Variants in DLGAP2 observed in about 807,000 individuals in gnomAD.
DLGAP2 encodes the protein disks large-associated protein 2.
Under a neutral mutation model 100.3 loss-of-function variants are expected in DLGAP2, and 26 were observed. The ratio of observed to expected loss-of-function variants is 0.26; its 90% CI spans 0.19 to 0.36. DLGAP2 has a LOEUF of 0.36. Ranked by LOEUF, DLGAP2 falls within the 10% of genes least tolerant of loss-of-function variation. DLGAP2 has a pLI of 1.00. For missense variants in DLGAP2, 1,858 were observed against 1,453.2 expected, an observed-to-expected ratio of 1.28 and a Z score of -4.53; for synonymous variants, 886 against 630.1, an observed-to-expected ratio of 1.41 and a Z score of -6.08.
At chr8:1,566,317 T>C (rs918039974) in intron 6 of DLGAP2, among the ~76,000 whole-genome samples, 1 of 152,204 alleles carries the variant, frequency 6.6e-6, no homozygotes, top group Non-Finnish European at 1.5e-5. Context: ...AGGCAACACA[T>C]TTTTTTGTAG....
At chr8:1,613,173 A>G (rs1231547735) in intron 6 of DLGAP2, among the ~76,000 whole-genome samples, 1 of 145,344 alleles carries the variant, frequency 6.9e-6, no homozygotes, top group African/African-American at 2.6e-5. Context: ...CTGGATTAAG[A>G]AAATGTGGCA....
chr8:1,687,239 G>A (rs1355381697), intron 12 of DLGAP2, among the ~76,000 whole-genome samples: 1 of 152,154 alleles, frequency 6.6e-6, no homozygotes, highest in Non-Finnish European at 1.5e-5. Flanking sequence ...TGTGAATTAT[G>A]TTACTTCATA....
chr8:1,646,068 T>C (rs1366418262), intron 8 of DLGAP2, among the ~76,000 whole-genome samples: 1 of 152,204 alleles, frequency 6.6e-6, no homozygotes, highest in African/African-American at 2.4e-5. Flanking sequence ...TGCCCAGATA[T>C]CTGGTTAAAC....
At chr8:916,374 T>A (rs1314113519) in intron 2 of DLGAP2, among the ~76,000 whole-genome samples, 1 of 152,182 alleles carries the variant, frequency 6.6e-6, no homozygotes, top group Admixed American at 6.5e-5. Context: ...CTTGTCCTTT[T>A]TAGGGACGTG....
intron 3 of DLGAP2, among the ~76,000 whole-genome samples, chr8:1,373,345 G>A (rs183028809): frequency 6.6e-6 from 1 of 151,296 alleles, no homozygotes; most frequent in African/African-American, 2.4e-5. Context: ...GAGGCGCCGC[G>A]CCTGGACCGT....
At chr8:1,338,092 T>C (rs994416866) in intron 3 of DLGAP2, among the ~76,000 whole-genome samples, 2 of 152,174 alleles carry the variant, frequency 1.3e-5, no homozygotes, top group Non-Finnish European at 2.9e-5. Context: ...CATGGGCACG[T>C]AAAATGGTGC....
intron 2 of DLGAP2, among the ~76,000 whole-genome samples, chr8:1,111,144 C>G (rs1339849781): frequency 6.6e-6 from 1 of 152,214 alleles, no homozygotes; most frequent in Non-Finnish European, 1.5e-5. Flanking sequence ...GATGGCAGGG[C>G]TGGAAATGCA....
chr8:1,463,774 A>G (rs1479786403), intron 3 of DLGAP2, among the ~76,000 whole-genome samples: 7 of 152,238 alleles, frequency 4.6e-5, no homozygotes, highest in Non-Finnish European at 1.0e-4. Flanking sequence ...GGCCTGGAGC[A>G]CGGGGTGGGC....
At position 1,241,391 on chromosome 8, in the gene DLGAP2, C is replaced by G. The variant is rs547965676; in HGVS notation, c.74-17460C>G. Among the ~76,000 whole-genome samples the G allele has an allele frequency of 5.3e-5, 8 of 152,186 alleles. No individual in the cohort carries two copies. In the East Asian group the frequency reaches 1.4e-3, roughly 26 times the overall value. ...CTCACATGGCGCCGTGTCTAGTTCT[C>G]TGTCACATGGCCCTGTGTCCAGTTC... On this transcript the variant is annotated intron_variant, in intron 2 of 14. Transcript: ENST00000637795.
intron 2 of DLGAP2, among the ~76,000 whole-genome samples, chr8:1,104,488 G>C (rs1050075944): frequency 6.6e-6 from 1 of 152,218 alleles, no homozygotes; most frequent in Non-Finnish European, 1.5e-5. Context: ...AGGGGTGGGC[G>C]TGTAAAACCA....
intron 2 of DLGAP2, among the ~76,000 whole-genome samples, chr8:1,257,248 G>A (rs1585199589): frequency 1.3e-5 from 2 of 152,124 alleles, no homozygotes; most frequent in African/African-American, 4.8e-5. Flanking sequence ...CGGCTCCCAG[G>A]TGAGCTCCGT....
intron 3 of DLGAP2, among the ~76,000 whole-genome samples, chr8:1,479,382 T>G (rs1799026459): frequency 6.6e-6 from 1 of 152,300 alleles, no homozygotes; most frequent in Admixed American, 6.5e-5. Context: ...CTCTGTTTGT[T>G]TTTGCATAGG....
At chr8:1,526,723 T>A (rs1353338307) in intron 4 of DLGAP2, among the ~76,000 whole-genome samples, 2 of 152,160 alleles carry the variant, frequency 1.3e-5, no homozygotes, top group African/African-American at 4.8e-5. Context: ...AGCCACTAAC[T>A]CCACATCAAG....
At chr8:1,088,441 A>C (rs138937264) in intron 2 of DLGAP2, among the ~76,000 whole-genome samples, 7 of 152,220 alleles carry the variant, frequency 4.6e-5, no homozygotes, top group Admixed American at 2.6e-4. Context: ...ATGGCAGTTG[A>C]CCAGTAACAC....
intron 1 of DLGAP2, among the ~76,000 whole-genome samples, chr8:876,366 T>C (rs1797687165): frequency 6.6e-6 from 1 of 152,220 alleles, no homozygotes; most frequent in Non-Finnish European, 1.5e-5. Context: ...TGTCTTTATT[T>C]TGTCTTCATT....
intron 2 of DLGAP2, among the ~76,000 whole-genome samples, chr8:1,181,886 C>T (rs906032370): frequency 6.6e-6 from 1 of 152,188 alleles, no homozygotes; most frequent in Non-Finnish European, 1.5e-5. Flanking sequence ...GCCATCGTCC[C>T]TGCAATCCCA....
At chr8:1,310,288 T>C (rs1417619795) in intron 3 of DLGAP2, among the ~76,000 whole-genome samples, 1 of 152,168 alleles carries the variant, frequency 6.6e-6, no homozygotes, top group African/African-American at 2.4e-5. Context: ...ATTTATATAT[T>C]GACAGAAGGG....
At chr8:1,659,398 G>A (rs1479572265) in intron 8 of DLGAP2, among the ~76,000 whole-genome samples, 1 of 152,158 alleles carries the variant, frequency 6.6e-6, no homozygotes, top group Non-Finnish European at 1.5e-5. Context: ...GAATATCCTT[G>A]TTAATTTTCT....
rs1007431872 is a variant in DLGAP2 at position 1,192,520 on chromosome 8, C to G, written c.74-66331C>G. 6.6e-5 allele frequency among the ~76,000 whole-genome samples: 10 copies of G among 152,174 alleles called. No individual in the cohort carries two copies. In the East Asian group the frequency reaches 9.7e-4, roughly 15 times the overall value. On this transcript the variant is annotated intron_variant, in intron 2 of 14. Coordinates refer to ENST00000637795, the MANE Select transcript of DLGAP2 (RefSeq NM_001346810.2). ...CTCTTAAACCTGCTCCTCCGTCTGT[C>G]TGAAATCTCATGCCCTTTGTCCAGC...
Sources: gnomAD v4.1 joint callset for allele counts (sites outside exome capture counted in the v4.1 genomes callset) on GRCh38, gnomAD v4.1.1 for gene constraint, MANE v1.5 for transcripts, NCBI Gene and HGNC (gene_info 2026-07-23, HGNC 2026-07-21) for gene names.